The following FSHR variants were observed in gnomAD, a reference collection of about 807,000 sequenced individuals.
FSHR encodes follicle stimulating hormone receptor.
FSHR carries 46 observed loss-of-function variants against 52.1 expected under a neutral mutation model. That is an observed-to-expected ratio of 0.88 (90% CI 0.70 to 1.13). FSHR has a LOEUF of 1.13. Among genes scored for constraint, FSHR ranks in the 50% most tolerant of loss-of-function variants. The pLI is 0.00. For synonymous variants in FSHR, 399 were observed against 309.6 expected (o/e 1.29, Z -3.03); for missense variants, 964 against 834.6 (o/e 1.16, Z -1.91).
intron 1 of FSHR, among the ~76,000 whole-genome samples, chr2:49,108,064 C>G (rs565887690): frequency 6.6e-6 from 1 of 152,144 alleles, no homozygotes; most frequent in Non-Finnish European, 1.5e-5. Flanking sequence ...ATTGCCTTCT[C>G]TAACGTGAAT....
At chr2:49,048,427 T>A (rs527290067) in intron 2 of FSHR, among the ~76,000 whole-genome samples, 23 of 152,172 alleles carry the variant, frequency 1.5e-4, no homozygotes, top group Non-Finnish European at 3.4e-4. Flanking sequence ...TTTCGAGGAA[T>A]ATGGGAAGAG....
At chr2:49,038,649 AT>A (rs56221410) in intron 2 of FSHR, among the ~76,000 whole-genome samples, 2 of 144,516 alleles carry the variant, frequency 1.4e-5, no homozygotes, top group African/African-American at 5.1e-5. Flanking sequence ...AATAATAATA[AT>A]AATAATAATA....
chr2:48,989,075 A>G, intron 5 of FSHR, 21 bp from the exon 6 acceptor site: 2 of 1,592,094 alleles, frequency 1.3e-6, no homozygotes, highest in Non-Finnish European at 1.7e-6. Context: ...GTACAGACAA[A>G]TAAGATACTT....
intron 4 of FSHR, chr2:48,997,337 T>C (rs1016209013): frequency 4.1e-6 from 4 of 985,088 alleles, no homozygotes; most frequent in Non-Finnish European, 4.8e-6. Context: ...TCAGTCTCCA[T>C]GGAAACCAAA....
chr2:49,038,673 C>T (rs1174856505), intron 2 of FSHR, among the ~76,000 whole-genome samples: 2 of 141,044 alleles, frequency 1.4e-5, no homozygotes, highest in East Asian at 2.0e-4. Context: ...AATAATAATA[C>T]TGGTTTAGGG....
chr2:49,113,224 C>G (rs1014134373), intron 1 of FSHR, among the ~76,000 whole-genome samples: 2 of 152,172 alleles, frequency 1.3e-5, no homozygotes, highest in African/African-American at 4.8e-5. Flanking sequence ...CTAGTTCTGC[C>G]AGACAGGGCT....
chr2:49,012,809 C>G (rs1347783073), intron 4 of FSHR, among the ~76,000 whole-genome samples: 1 of 152,078 alleles, frequency 6.6e-6, no homozygotes, highest in Non-Finnish European at 1.5e-5. Flanking sequence ...CTACCTCTAC[C>G]TGGCTGCTGG....
intron 2 of FSHR, among the ~76,000 whole-genome samples, chr2:49,039,991 A>G (rs951489151): frequency 2.6e-5 from 4 of 152,074 alleles, no homozygotes; most frequent in Non-Finnish European, 4.4e-5. Context: ...CTTAATTGTG[A>G]AAAATAAAAT....
chr2:48,979,805 TTG>T (rs749335396), intron 8 of FSHR, among the ~76,000 whole-genome samples: 10 of 150,176 alleles, frequency 6.7e-5, no homozygotes, highest in African/African-American at 1.0e-4. Flanking sequence ...ATCACAGTCT[TTG>T]TGTGTGTGTG....
At chr2:49,140,769 A>G (rs1254211381) in intron 1 of FSHR, among the ~76,000 whole-genome samples, 1 of 152,068 alleles carries the variant, frequency 6.6e-6, no homozygotes, top group Non-Finnish European at 1.5e-5. Context: ...AGAAAAGGCT[A>G]TGAGGTCATG....
chr2:49,118,033 G>A (rs1173843545), intron 1 of FSHR, among the ~76,000 whole-genome samples: 1 of 152,174 alleles, frequency 6.6e-6, no homozygotes, highest in South Asian at 2.1e-4. Flanking sequence ...ATGATTTAAA[G>A]GTGTCTGGGC....
chr2:49,050,104 A>G (rs1269002800), intron 2 of FSHR, among the ~76,000 whole-genome samples: 1 of 152,148 alleles, frequency 6.6e-6, no homozygotes, highest in Non-Finnish European at 1.5e-5. Context: ...AGTTATTTTC[A>G]GAATATTTAT....
chr2:48,978,773 C>A (rs1188610014), intron 8 of FSHR, among the ~76,000 whole-genome samples: 2 of 152,186 alleles, frequency 1.3e-5, no homozygotes, highest in Non-Finnish European at 2.9e-5. Flanking sequence ...GCTTTCTCTG[C>A]ATCTATCTTT....
In FSHR at chr2:49,147,282, T is replaced by C. The variant is rs534872903; in HGVS notation, c.152+6984A>G. On this transcript the variant is annotated intron_variant, in intron 1 of 9. Transcript: ENST00000406846. ...CTTTCCTAGCTGACCTTGTGGGCTA[T>C]ATAAGCTAAAATCTAGTCTAAACAA... Among the ~76,000 whole-genome samples, 8 of 152,178 alleles carry C rather than the reference T, an allele frequency of 5.3e-5. No homozygotes were observed. The South Asian group carries it at 1.7e-3, about 32-fold the overall frequency.
intron 2 of FSHR, among the ~76,000 whole-genome samples, chr2:49,031,565 T>G (rs1668103837): frequency 6.6e-6 from 1 of 152,216 alleles, no homozygotes; most frequent in Admixed American, 6.5e-5. Flanking sequence ...ATGTTCTTGA[T>G]ATGTGATGAT....
intron 1 of FSHR, among the ~76,000 whole-genome samples, chr2:49,147,463 T>C (rs1003725544): frequency 6.6e-6 from 1 of 152,096 alleles, no homozygotes; most frequent in Non-Finnish European, 1.5e-5. Context: ...TTCTGAAGCA[T>C]AGGCTTCTTA....
intron 1 of FSHR, among the ~76,000 whole-genome samples, chr2:49,086,190 A>G (rs182813743): frequency 1.0e-3 from 155 of 152,356 alleles, no homozygotes; most frequent in Admixed American, 1.8e-3. Context: ...TGATTGGCCC[A>G]TGAATGTAAT....
chr2:49,079,533 G>A (rs79621145), intron 1 of FSHR, among the ~76,000 whole-genome samples: 3,567 of 152,024 alleles, frequency 0.023, 126 homozygotes, highest in East Asian at 0.13. Context: ...TTATGATATC[G>A]ACAGGGATTT....
At chr2:49,071,320 G>A (rs1292028706) in intron 1 of FSHR, among the ~76,000 whole-genome samples, 1 of 151,910 alleles carries the variant, frequency 6.6e-6, no homozygotes, top group Non-Finnish European at 1.5e-5. Flanking sequence ...TGCAAGTGGA[G>A]GGAAAAATAT....
Sources: gnomAD v4.1 joint callset for allele counts (sites outside exome capture counted in the v4.1 genomes callset) on GRCh38, gnomAD v4.1.1 for gene constraint, MANE v1.5 for transcripts, NCBI Gene and HGNC (gene_info 2026-07-23, HGNC 2026-07-21) for gene names.